ZFAND2A: variants seen among roughly 807,000 people sequenced by gnomAD.
ZFAND2A encodes the protein AN1-type zinc finger protein 2A.
In ZFAND2A, 20 loss-of-function variants were observed where a neutral mutation model predicts 11.6. That is an observed-to-expected ratio of 1.72 (90% CI 1.21 to 2.50). The LOEUF is 2.50. Among genes scored for constraint, ZFAND2A ranks in the 30% most tolerant of loss-of-function variants. The probability of loss-of-function intolerance (pLI) is 0.00; values close to 1 mark genes in which losing one functional copy is unlikely to be tolerated. For missense variants in ZFAND2A, 234 were observed against 182.9 expected (o/e 1.28, Z -1.61); for synonymous variants, 93 against 60.6 (o/e 1.54, Z -2.48).
chr7:1,154,005 C>T (rs1439834911), intron 4 of ZFAND2A, among the ~76,000 whole-genome samples: 2 of 151,874 alleles, frequency 1.3e-5, no homozygotes, highest in African/African-American at 4.8e-5. Flanking sequence ...GAAGATGGCC[C>T]GGAGGTGCTG....
downstream of ZFAND2A, among the ~76,000 whole-genome samples, chr7:1,148,971 A>AT (rs988721070): frequency 4.4e-4 from 66 of 149,352 alleles, no homozygotes; most frequent in South Asian, 2.1e-3. Context: ...CTGGCTATTT[A>AT]TTTTTTTTGA....
At position 1,155,458 on chromosome 7, in the gene ZFAND2A, C is replaced by T; in HGVS notation, c.277G>A (p.Glu93Lys). 1 of 1,613,542 alleles carries T rather than the reference C, an allele frequency of 6.2e-7. No homozygotes were observed. The highest frequency in any genetic ancestry group is 8.5e-7 in the Non-Finnish European group (1 of 1,179,736). The change falls in exon 4 of 5, where the codon GAG (glutamate) becomes AAG (lysine). Residue 93 changes from glutamate to lysine, a missense_variant. Physicochemically the swap from Glu to Lys is moderately conservative, Grantham distance 56 (BLOSUM62 1). Coordinates refer to ENST00000316495, the MANE Select transcript of ZFAND2A (RefSeq NM_182491.4). ...DCDSHPGKKK[E>K]KIFTYRCSKE... ...GAGGCGGGCTCTGTCCTTACCTTCT[C>T]TTTCTTCTTCCCAGGGTGAGAGTCA...
downstream of ZFAND2A, among the ~76,000 whole-genome samples, chr7:1,152,509 A>G (rs953951816): frequency 1.3e-5 from 2 of 152,206 alleles, no homozygotes; most frequent in African/African-American, 4.8e-5. Context: ...CGATTTGACA[A>G]ACATTAGCAT....
downstream of ZFAND2A, chr7:1,152,895 G>GAAC (rs10600990): frequency 9.9e-7 from 1 of 1,007,026 alleles, no homozygotes; most frequent in Non-Finnish European, 1.5e-6. Context: ...TGGGCAATGA[G>GAAC]AACAACTAGA....
Position 1,158,189 on chromosome 7 carries a change from C to T in ZFAND2A, c.24G>A (p.Lys8=). Residue 8 remains lysine, a synonymous_variant, in exon 2 of 5, where the codon AAG becomes AAA. Coordinates refer to ENST00000316495, the MANE Select transcript of ZFAND2A (RefSeq NM_182491.4). ...GCTTGCAAGTCTTTTCTGAACAATG[C>T]TTCCCCAAATCAGGAAACTCCATTA... MEFPDLG[K]HCSEKTCKQL... is the part of the protein sequence containing the mutation. 1 of 1,614,168 alleles carries T rather than the reference C, an allele frequency of 6.2e-7. No homozygotes were observed. The highest frequency in any genetic ancestry group is 8.5e-7 in the Non-Finnish European group (1 of 1,180,032).
chr7:1,152,809 C>CA (rs1255434997), downstream of ZFAND2A: 1 of 589,900 alleles, frequency 1.7e-6, no homozygotes, highest in African/African-American at 1.9e-5. Flanking sequence ...CCTGGACCTC[C>CA]AGCCCCCAGA....
chr7:1,151,970 TTGA>T (rs1233080760), downstream of ZFAND2A: 1 of 328,556 alleles, frequency 3.0e-6, no homozygotes, highest in Non-Finnish European at 5.5e-6. Context: ...CAGGTTTGTC[TTGA>T]TGATGCAGGA....
downstream of ZFAND2A, among the ~76,000 whole-genome samples, chr7:1,150,353 G>A (rs1227347187): frequency 6.6e-6 from 1 of 151,752 alleles, no homozygotes; most frequent in Non-Finnish European, 1.5e-5. Context: ...TTGTGTTTTT[G>A]TGAACTGTCT....
chr7:1,156,529 G>T (rs1295073024), intron 3 of ZFAND2A, among the ~76,000 whole-genome samples: 1 of 102,438 alleles, frequency 9.8e-6, no homozygotes, highest in Admixed American at 1.0e-4. Context: ...GGGCTCCGAA[G>T]GGGTGGACCG....
intron 4 of ZFAND2A, among the ~76,000 whole-genome samples, chr7:1,153,452 C>CA (rs1220242821): frequency 6.6e-6 from 1 of 152,148 alleles, no homozygotes; most frequent in Non-Finnish European, 1.5e-5. Context: ...CCATGCTGCC[C>CA]AGGCTGGTCT....
At chr7:1,151,762 T>TTAAAAAAAAAAAAAAAAAAAAAAA (rs1554344524), downstream of ZFAND2A, among the ~76,000 whole-genome samples, 2 of 87,158 alleles carry the variant, frequency 2.3e-5, no homozygotes, top group African/African-American at 1.1e-4. Context: ...TCATCCCTTT[T>TTAAAAAAAAAAAAAAAAAAAAAAA]AAAAAAAAAA....
intron 4 of ZFAND2A, among the ~76,000 whole-genome samples, chr7:1,154,671 A>C (rs556286120): frequency 6.6e-6 from 1 of 152,190 alleles, no homozygotes; most frequent in Non-Finnish European, 1.5e-5. Flanking sequence ...ACTAAGGAAC[A>C]CTGATTTTAT....
downstream of ZFAND2A, among the ~76,000 whole-genome samples, chr7:1,151,443 C>G (rs2128256856): frequency 6.6e-6 from 1 of 151,942 alleles, no homozygotes; most frequent in African/African-American, 2.4e-5. Context: ...AGTGAGCTGT[C>G]TGGTGTTTGC....
At chr7:1,152,665 GAC>G (rs1196215653), downstream of ZFAND2A, among the ~76,000 whole-genome samples, 2 of 152,080 alleles carry the variant, frequency 1.3e-5, no homozygotes, top group Non-Finnish European at 2.9e-5. Flanking sequence ...GGGAAGTCGG[GAC>G]ACACACAGAA....
At chr7:1,159,484 G>A (rs1383712011) in intron 1 of ZFAND2A, among the ~76,000 whole-genome samples, 1 of 146,852 alleles carries the variant, frequency 6.8e-6, no homozygotes, top group African/African-American at 2.5e-5. Flanking sequence ...ACCCCCAGCA[G>A]CCAGACCCCG....
In ZFAND2A at chr7:1,155,641, A is replaced by T. The variant is rs1331193758; in HGVS notation, c.151-57T>A. 6.9e-6 allele frequency: 11 copies of T among 1,591,344 alleles called. No homozygotes were observed. The East Asian group carries it at 2.3e-4, about 33-fold the overall frequency. On this transcript the variant is annotated intron_variant, in intron 3 of 4. Coordinates refer to ENST00000316495, the MANE Select transcript of ZFAND2A (RefSeq NM_182491.4). ...GACTCATGCAACTTAAACTCACAGAAGTTTTAAACGAGTACTCCTGTGCGG... is the reference window on the plus strand; with the variant it reads ...GACTCATGCAACTTAAACTCACAGATGTTTTAAACGAGTACTCCTGTGCGG...
In ZFAND2A at chr7:1,159,453, G is replaced by A. The variant is rs190347381; in HGVS notation, c.-46+511C>T. 1.4e-3 allele frequency among the ~76,000 whole-genome samples: 203 copies of A among 150,216 alleles called. 5 individuals carry two copies. Among genetic ancestry groups the A allele is most frequent in the Non-Finnish European group, 4.0e-4 (27 of 67,432 alleles). On this transcript the variant is annotated intron_variant, in intron 1 of 4. Coordinates refer to ENST00000316495, the MANE Select transcript of ZFAND2A (RefSeq NM_182491.4). Reference sequence around the variant, plus strand: ...AGGCCCGGCCCCCAGCAGACAGCCGGACTCCCAGCAGACAGGCCGGACCCC... The same window carrying A: ...AGGCCCGGCCCCCAGCAGACAGCCGAACTCCCAGCAGACAGGCCGGACCCC...
chr7:1,159,006 G>A (rs933114686), intron 1 of ZFAND2A, among the ~76,000 whole-genome samples: 9 of 151,932 alleles, frequency 5.9e-5, no homozygotes, highest in African/African-American at 1.7e-4. Context: ...CTAGACTGTC[G>A]CCTAAGACTG....
At chr7:1,149,667 A>G (rs571517859), downstream of ZFAND2A, among the ~76,000 whole-genome samples, 1 of 152,336 alleles carries the variant, frequency 6.6e-6, no homozygotes, top group East Asian at 1.9e-4. Flanking sequence ...CCCAGGCTGT[A>G]GGGCATAGCC....
Sources: allele counts gnomAD v4.1 joint callset (sites outside exome capture counted in the v4.1 genomes callset), GRCh38; gene constraint gnomAD v4.1.1; transcripts MANE v1.5; gene names NCBI Gene and HGNC (gene_info 2026-07-23, HGNC 2026-07-21).